The following CELF2 variants were observed in gnomAD, a reference collection of about 807,000 sequenced individuals.
The protein encoded by CELF2 is CUG triplet repeat RNA-binding protein 2.
In CELF2, 8 loss-of-function variants were observed where a neutral mutation model predicts 62.6. The observed-to-expected ratio is 0.13, with a 90% CI of 0.07 to 0.23. CELF2 has a LOEUF of 0.23. Ranked by LOEUF, CELF2 falls within the 10% of genes least tolerant of loss-of-function variation. The pLI is 1.00. For synonymous variants in CELF2, 258 were observed against 250.0 expected (o/e 1.03, Z -0.30); for missense variants, 333 against 671.0 (o/e 0.50, Z 5.56).
At chr10:10,773,838 C>T in the CELF2 span, among the ~76,000 whole-genome samples, 1 of 152,318 alleles carries the variant, frequency 6.6e-6, no homozygotes, top group African/African-American at 2.4e-5. Context: ...ACCCACTGCT[C>T]CTTCCTTTTA....
At chr10:10,828,081 C>T (rs1564680479) in intron 1 of CELF2, among the ~76,000 whole-genome samples, 1 of 146,820 alleles carries the variant, frequency 6.8e-6, no homozygotes, top group Non-Finnish European at 1.5e-5. Flanking sequence ...AGTGCAGTTG[C>T]TACAGAAAAC....
At chr10:10,805,444 C>T (rs1459681881) in intron 1 of CELF2, among the ~76,000 whole-genome samples, 2 of 152,176 alleles carry the variant, frequency 1.3e-5, no homozygotes, top group East Asian at 1.9e-4. Flanking sequence ...GACTCAGTTA[C>T]GACTCAGTAC....
chr10:10,618,462 A>G, the CELF2 span, among the ~76,000 whole-genome samples: 2 of 152,114 alleles, frequency 1.3e-5, no homozygotes, highest in Non-Finnish European at 2.9e-5. Context: ...TCTTTAGAGC[A>G]TCAAAGTCAT....
the CELF2 span, among the ~76,000 whole-genome samples, chr10:10,641,997 T>G: frequency 7.9e-5 from 12 of 152,194 alleles, no homozygotes; most frequent in African/African-American, 2.9e-4. Flanking sequence ...TAAAGGGCAC[T>G]GTTTCTATTC....
At chr10:11,197,636 C>A (rs144521266) in intron 2 of CELF2, among the ~76,000 whole-genome samples, 1 of 152,212 alleles carries the variant, frequency 6.6e-6, no homozygotes, top group Non-Finnish European at 1.5e-5. Context: ...TGGGCTCCCC[C>A]GCCTGATCCG....
At chr10:11,287,287 A>T (rs1199714333) in intron 8 of CELF2, among the ~76,000 whole-genome samples, 3 of 152,052 alleles carry the variant, frequency 2.0e-5, no homozygotes, top group African/African-American at 7.3e-5. Flanking sequence ...CCATTGTTTC[A>T]TGCTTCTCAC....
the CELF2 span, among the ~76,000 whole-genome samples, chr10:10,524,429 A>ATG: frequency 1.3e-5 from 2 of 150,604 alleles, no homozygotes; most frequent in Non-Finnish European, 3.0e-5. Context: ...ACACAGGTTC[A>ATG]CAGGCCTCTG....
rs2094448092 is a variant in CELF2, at chr10:11,309,426, T to C, written c.977-4713T>C. 6.6e-6 allele frequency among the ~76,000 whole-genome samples: 1 copy of C among 152,256 alleles called. No individual in the cohort carries two copies. The highest frequency in any genetic ancestry group is 1.5e-5 in the Non-Finnish European group (1 of 68,044). On this transcript the variant is annotated intron_variant, in intron 9 of 12. Transcript: ENST00000633077. This position sits in a 1 kb window ranked among gnomAD's most constrained non-coding sequence, Gnocchi z 5.6. ...TGAGCTATGAGTGACATTCCTATTTTTCCTTTGTTAAATTACAAAATTCTT... is the reference window on the plus strand; with the variant it reads ...TGAGCTATGAGTGACATTCCTATTTCTCCTTTGTTAAATTACAAAATTCTT...
the CELF2 span, among the ~76,000 whole-genome samples, chr10:10,719,151 G>A: frequency 6.6e-6 from 1 of 151,854 alleles, no homozygotes; most frequent in Non-Finnish European, 1.5e-5. Flanking sequence ...GTAGAGATGG[G>A]ATTTCACCAC....
chr10:10,505,082 T>C, the CELF2 span, among the ~76,000 whole-genome samples: 25 of 152,326 alleles, frequency 1.6e-4, no homozygotes, highest in African/African-American at 5.8e-4. Context: ...TTCCTGGTTC[T>C]TTTTATGATG....
At chr10:10,840,167 T>C (rs2058584706) in intron 1 of CELF2, among the ~76,000 whole-genome samples, 1 of 152,232 alleles carries the variant, frequency 6.6e-6, no homozygotes, top group Non-Finnish European at 1.5e-5. Context: ...CTGCTGTAAA[T>C]ATTCATGCGC....
At chr10:10,528,120 A>G in the CELF2 span, among the ~76,000 whole-genome samples, 1 of 152,038 alleles carries the variant, frequency 6.6e-6, no homozygotes, top group East Asian at 1.9e-4. Flanking sequence ...TTCAATTTAC[A>G]GATGCCTGAA....
chr10:10,499,526 G>C, the CELF2 span, among the ~76,000 whole-genome samples: 1 of 152,176 alleles, frequency 6.6e-6, no homozygotes, highest in African/African-American at 2.4e-5. Context: ...TGGGGCAGAG[G>C]AGGGAAAGAA....
At chr10:11,112,646 A>T (rs547934362) in intron 1 of CELF2, among the ~76,000 whole-genome samples, 1 of 152,374 alleles carries the variant, frequency 6.6e-6, no homozygotes, top group South Asian at 2.1e-4. Flanking sequence ...AAGTGGCAAT[A>T]AAATGTAAAC....
At chr10:11,078,112 C>G (rs1053596921) in intron 1 of CELF2, among the ~76,000 whole-genome samples, 1 of 151,928 alleles carries the variant, frequency 6.6e-6, no homozygotes. Context: ...GAATGCTTTC[C>G]CTTGGAGGAC....
At chr10:10,884,767 A>T (rs948172018) in intron 1 of CELF2, among the ~76,000 whole-genome samples, 3 of 152,222 alleles carry the variant, frequency 2.0e-5, no homozygotes, top group African/African-American at 7.2e-5. Context: ...GGGCCCAGCT[A>T]GTTTAGAAGC....
At chr10:11,289,795 AACTT>A (rs1182749753) in intron 9 of CELF2, among the ~76,000 whole-genome samples, 2 of 152,234 alleles carry the variant, frequency 1.3e-5, no homozygotes, top group Non-Finnish European at 2.9e-5. Flanking sequence ...GCAACACATC[AACTT>A]ACTTAAGTAA....
chr10:10,539,156 G>C, the CELF2 span, among the ~76,000 whole-genome samples: 5 of 152,324 alleles, frequency 3.3e-5, no homozygotes, highest in Admixed American at 2.0e-4. Flanking sequence ...GATCTTAAGA[G>C]TTATAGAGTA....
intron 4 of CELF2, among the ~76,000 whole-genome samples, chr10:11,252,938 T>A (rs2077575044): frequency 1.3e-5 from 2 of 152,220 alleles, no homozygotes. Context: ...GTGGATTTCA[T>A]CCTCCATCAT....
Sources: gnomAD v4.1 joint callset for allele counts (sites outside exome capture counted in the v4.1 genomes callset) on GRCh38, gnomAD v4.1.1 for gene constraint, Gnocchi (gnomAD v3.1) non-coding constraint, MANE v1.5 for transcripts, NCBI Gene and HGNC (gene_info 2026-07-23, HGNC 2026-07-21) for gene names.